ERBB3: variants seen among roughly 807,000 people sequenced by gnomAD.
ERBB3 encodes receptor tyrosine-protein kinase erbB-3.
ERBB3 carries 96 observed loss-of-function variants against 156.7 expected under a neutral mutation model. That is an observed-to-expected ratio of 0.61 (90% CI 0.52 to 0.73). The LOEUF (loss-of-function observed/expected upper bound fraction) is 0.73, where lower values mean the gene tolerates loss of function less well. Ranked by LOEUF, ERBB3 falls within the 30% of genes least tolerant of loss-of-function variation. The probability of loss-of-function intolerance (pLI) is 0.00; values close to 1 mark genes in which losing one functional copy is unlikely to be tolerated. For missense variants in ERBB3, 1,406 were observed against 1,709.4 expected, an observed-to-expected ratio of 0.82 and a Z score of 3.13; for synonymous variants, 567 against 632.0, an observed-to-expected ratio of 0.90 and a Z score of 1.54.
In ERBB3 at chr12:56,087,882, G is replaced by C. The variant is rs1242075075; in HGVS notation, c.701G>C (p.Gly234Ala). The C allele has an allele frequency of 1.2e-6, 2 of 1,614,158 alleles. No individual in the cohort carries two copies. The highest frequency in any genetic ancestry group is 8.5e-7 in the Non-Finnish European group (1 of 1,180,020). Residue 234 changes from glycine to alanine, a missense_variant, in exon 6 of 28, where the codon GGC becomes GCC. Physicochemically the swap from Gly to Ala is moderately conservative, Grantham distance 60 (BLOSUM62 0). This residue lies in a region of ERBB3 where 979 missense variants were observed against 1,219.6 expected (regional missense o/e 0.80). Transcript: ENST00000267101. ...TGCTGCCATGATGAGTGTGCCGGGGGCTGCTCAGGCCCTCAGGACACAGAC... is the reference window on the plus strand; with the variant it reads ...TGCTGCCATGATGAGTGTGCCGGGGCCTGCTCAGGCCCTCAGGACACAGAC... The part of the protein sequence containing the change: ...NQCCHDECAG[G>A]CSGPQDTDCF...
chr12:56,083,664 G>T (rs1208085584), intron 1 of ERBB3, 87 bp from the exon 2 acceptor site: 17 of 1,505,376 alleles, frequency 1.1e-5, no homozygotes, highest in Non-Finnish European at 1.6e-5. Flanking sequence ...CTGGAAGAGG[G>T]CAACCAAGGG....
At position 56,080,353 on chromosome 12, in the gene ERBB3, G is replaced by T. The variant is rs1317504479; in HGVS notation, c.53G>T (p.Arg18Leu). The change falls in exon 1 of 28, where the codon CGG becomes CTG. Residue 18 changes from arginine (R) to leucine (L), a missense_variant. Arg to Leu is a moderately radical substitution (Grantham distance 102, BLOSUM62 -2). Transcript: ENST00000267101. ...CTGGGCTTGCTTTTCAGCCTGGCCC[G>T]GGGCTCCGAGGTGGGCAACTCTCAG... is the stretch of plus-strand genomic sequence containing the variant. The part of the protein sequence containing the change: ...QVLGLLFSLA[R>L]GSEVGNSQAV... 9 of 1,593,812 alleles carry T rather than the reference G, an allele frequency of 5.6e-6. No individual in the cohort carries two copies. Among genetic ancestry groups the T allele is most frequent in the East Asian group, 2.3e-5 (1 of 44,100 alleles).
At position 56,094,136 on chromosome 12, in the gene ERBB3, T is replaced by G. The variant is rs751025983; in HGVS notation, c.1651T>G (p.Ser551Ala). Reference protein sequence around the residue: ...REFAHEAECFSCHPECQPMEG... With the variant: ...REFAHEAECFACHPECQPMEG... ...ATTTGCCCATGAGGCCGAATGCTTC[T>G]CCTGCCACCCGGAATGCCAACCCAT... The change falls in exon 14 of 28, where the codon TCC (serine) becomes GCC (alanine). Residue 551 changes from serine (S) to alanine (A), a missense_variant. Transcript: ENST00000267101. The G allele has an allele frequency of 1.2e-6, 2 of 1,613,992 alleles. No homozygotes were observed. The highest frequency in any genetic ancestry group is 2.2e-5 in the South Asian group (2 of 91,076).
chr12:56,082,688 G>A (rs1185867440), intron 1 of ERBB3, among the ~76,000 whole-genome samples: 1 of 152,160 alleles, frequency 6.6e-6, no homozygotes, highest in African/African-American at 2.4e-5. Flanking sequence ...AAGAGACTGG[G>A]GTAGGGCTTC....
chr12:56,091,295 TAAATA>T (rs1565858517), intron 9 of ERBB3, among the ~76,000 whole-genome samples: 12 of 63,708 alleles, frequency 1.9e-4, no homozygotes, highest in Non-Finnish European at 3.2e-4. Flanking sequence ...TATATATATA[TAAATA>T]ATATATATAA....
In ERBB3 at chr12:56,095,657, T is replaced by C. The variant is rs1251266686; in HGVS notation, c.1914-8T>C. ...CAGGATAATGTTGGGTTTCTATATA[T>C]CCCATAGCAAAACCCATCTGACAAT... On this transcript the variant is annotated splice_polypyrimidine_tract_variant and splice_region_variant and intron_variant, in intron 16 of 27. Coordinates refer to ENST00000267101, the MANE Select transcript of ERBB3 (RefSeq NM_001982.4). The C allele has an allele frequency of 6.2e-7, 1 of 1,614,036 alleles. No homozygotes were observed. The highest frequency in any genetic ancestry group is 8.5e-7 in the Non-Finnish European group (1 of 1,179,944).
intron 4 of ERBB3, among the ~76,000 whole-genome samples, 192 bp downstream of exon 4, chr12:56,086,848 A>C (rs892616500): frequency 1.1e-4 from 16 of 152,186 alleles, no homozygotes; most frequent in Non-Finnish European, 5.9e-5. Flanking sequence ...AGGTGTTTCA[A>C]GAAAAGGAGC....
Position 56,084,864 on chromosome 12 carries a change from GA to G in ERBB3, c.235-124del, listed in dbSNP as rs1450158981. 126 of 1,465,876 alleles carry G rather than the reference GA, an allele frequency of 8.6e-5. 2 individuals are homozygous for G. The Middle Eastern group carries it at 1.5e-3, about 17-fold the overall frequency. The allele number at this position is 1,465,876 out of a possible 1,614,324, so 90.8% of individuals were successfully genotyped here. On this transcript the variant is annotated intron_variant, in intron 2 of 27. Transcript: ENST00000267101. Reference sequence around the variant, plus strand: ...ACTCCGTCTCAAATTTTAAAAAAAAGAAAAAAAGAAAGGAAAGAAAGAAGGA... The same window carrying G: ...ACTCCGTCTCAAATTTTAAAAAAAAGAAAAAAGAAAGGAAAGAAAGAAGGA...
chr12:56,088,315 G>A (rs778901380), intron 7 of ERBB3, among the ~76,000 whole-genome samples, 153 bp downstream of exon 7: 3 of 152,198 alleles, frequency 2.0e-5, no homozygotes, highest in African/African-American at 2.4e-5. Flanking sequence ...TGACCCTTAC[G>A]TCCAGTCCTC....
intron 2 of ERBB3, 121 bp downstream of exon 2, chr12:56,084,023 A>G (rs1868395799): frequency 9.9e-7 from 1 of 1,009,450 alleles, no homozygotes; most frequent in Admixed American, 1.8e-5. Context: ...GGAGTTCCTA[A>G]GATTCAAAAC....
At position 56,100,061 on chromosome 12, in the gene ERBB3, C is replaced by T. The variant is rs751735085; in HGVS notation, c.3129+32C>T. On this transcript the variant is annotated intron_variant, in intron 25 of 27. Transcript: ENST00000267101. ...CAACTTCTAATTACCCAACACTTTG[C>T]ACCCTGAGCCCTCACAAACCCTACA... 6.2e-6 allele frequency: 10 copies of T among 1,608,308 alleles called. No homozygotes were observed. The East Asian group carries it at 2.2e-4, about 36-fold the overall frequency.
intron 9 of ERBB3, among the ~76,000 whole-genome samples, chr12:56,091,916 G>A (rs1218978383): frequency 6.6e-6 from 1 of 151,960 alleles, no homozygotes; most frequent in East Asian, 1.9e-4. Flanking sequence ...TCTACTGTTA[G>A]GAAGAGTCTT....
Position 56,085,341 on chromosome 12 carries a change from G to GC in ERBB3, c.421+165dup. The stretch of plus-strand genomic sequence containing the variant: ...TCCATTGCTCCCTAAGCAATAGAGG[G>GC]CCCCCAGTAGGGGGAGCTAGGGGCA... On this transcript the variant is annotated intron_variant, in intron 3 of 27. Transcript: ENST00000267101. 3 of 1,489,110 alleles carry GC rather than the reference G, an allele frequency of 2.0e-6. No individual in the cohort carries two copies. In the South Asian group the frequency reaches 4.1e-5, roughly 20 times the overall value. 92.2% of individuals were successfully genotyped at this position (1,489,110 alleles called of 1,614,324 possible). A position where few individuals can be genotyped will look rare whatever the true frequency, so the allele number is the denominator to read the frequency against.
intron 10 of ERBB3, 22 bp downstream of exon 10, chr12:56,092,842 C>G: frequency 6.2e-7 from 1 of 1,608,730 alleles, no homozygotes; most frequent in Middle Eastern, 1.7e-4. Flanking sequence ...AGAGTTTGCC[C>G]TTTCTAGAAG....
At chr12:56,080,493 G>A in intron 1 of ERBB3, 111 bp downstream of exon 1, 1 of 882,516 alleles carries the variant, frequency 1.1e-6, no homozygotes, top group Non-Finnish European at 1.8e-6. Flanking sequence ...TGTGGGTGCT[G>A]CCCCCGGTTT....
At chr12:56,094,688 A>C in intron 15 of ERBB3, 132 bp downstream of exon 15, 16 of 1,088,606 alleles carry the variant, frequency 1.5e-5, no homozygotes, top group African/African-American at 3.1e-5. Flanking sequence ...GCAGTGGCTC[A>C]CACCTGTAAT....
chr12:56,099,671 C>A lies in ERBB3; in HGVS notation c.2863C>A (p.Arg955Ser), dbSNP rs1188163430. The change falls in exon 24 of 28, where the codon CGC (arginine) becomes AGC (serine). Residue 955 changes from arginine to serine, a missense_variant. Transcript: ENST00000267101. ...VKCWMIDENI[R>S]PTFKELANEF... ...AGGTTGGATGATTGATGAGAACATTCGCCCAACCTTTAAAGAACTAGCCAA... is the reference window on the plus strand; with the variant it reads ...AGGTTGGATGATTGATGAGAACATTAGCCCAACCTTTAAAGAACTAGCCAA... 6.2e-7 allele frequency: 1 copy of A among 1,614,078 alleles called. No homozygotes were observed. Among genetic ancestry groups the A allele is most frequent in the East Asian group, 2.2e-5 (1 of 44,886 alleles).
intron 1 of ERBB3, among the ~76,000 whole-genome samples, chr12:56,081,345 T>C (rs538659927): frequency 6.6e-6 from 1 of 152,338 alleles, no homozygotes; most frequent in East Asian, 1.9e-4. Context: ...TTGGGGTGTC[T>C]CTGGGACCGT....
Position 56,088,004 on chromosome 12 carries a change from G to C in ERBB3, c.733-17G>C, listed in dbSNP as rs764889168. 1.2e-6 allele frequency: 2 copies of C among 1,614,154 alleles called. No homozygotes were observed. Among genetic ancestry groups the C allele is most frequent in the Non-Finnish European group, 8.5e-7 (1 of 1,180,026 alleles). ...TACACACGTAACATAAATCTGATGAGCCTCCTTTTTTCCCAGGCCTGCCGG... is the reference window on the plus strand; with the variant it reads ...TACACACGTAACATAAATCTGATGACCCTCCTTTTTTCCCAGGCCTGCCGG... On this transcript the variant is annotated splice_polypyrimidine_tract_variant and intron_variant, in intron 6 of 27. Coordinates refer to ENST00000267101, the MANE Select transcript of ERBB3 (RefSeq NM_001982.4).
Sources: allele counts gnomAD v4.1 joint callset (sites outside exome capture counted in the v4.1 genomes callset), GRCh38; gene constraint gnomAD v4.1.1; regional missense constraint gnomAD v4.1.1; transcripts MANE v1.5; gene names NCBI Gene and HGNC (gene_info 2026-07-23, HGNC 2026-07-21).